The following AFG1L variants were observed in gnomAD, a reference collection of about 807,000 sequenced individuals.
AFG1L encodes AFG1 like ATPase, also known as AFG1-like ATPase.
A neutral mutation model predicts 62.2 loss-of-function variants in AFG1L; 53 were observed. The observed-to-expected ratio is 0.85, with a 90% CI of 0.68 to 1.07. The LOEUF is 1.07. Ranked by LOEUF, AFG1L falls within the 50% of genes least tolerant of loss-of-function variation. AFG1L has a pLI of 0.00. For missense variants in AFG1L, 555 were observed against 590.5 expected (o/e 0.94, Z 0.62); for synonymous variants, 228 against 210.3 (o/e 1.08, Z -0.73).
chr6:108,473,879 A>G (rs1773004359), intron 8 of AFG1L, among the ~76,000 whole-genome samples: 1 of 152,130 alleles, frequency 6.6e-6, no homozygotes. Context: ...TTAAAAATAT[A>G]TATTTTATTT....
chr6:108,324,110 T>C, intron 2 of AFG1L, 62 bp downstream of exon 2: 3 of 1,180,344 alleles, frequency 2.5e-6, no homozygotes, highest in South Asian at 1.4e-5. Context: ...CTAAAATGGA[T>C]GCAATGCAGT....
intron 7 of AFG1L, among the ~76,000 whole-genome samples, chr6:108,422,500 G>C (rs779694072): frequency 4.6e-5 from 3 of 65,702 alleles, no homozygotes; most frequent in African/African-American, 6.5e-5. Flanking sequence ...AAAAAAAAAA[G>C]AAGAAGAAAT....
At chr6:108,322,556 G>A (rs1777857748) in intron 1 of AFG1L, among the ~76,000 whole-genome samples, 3 of 152,198 alleles carry the variant, frequency 2.0e-5, no homozygotes, top group South Asian at 2.1e-4. Context: ...CATGCATCCA[G>A]CTAAAACTTC....
At chr6:108,349,754 A>G (rs1235681800) in intron 3 of AFG1L, among the ~76,000 whole-genome samples, 1 of 151,858 alleles carries the variant, frequency 6.6e-6, no homozygotes, top group African/African-American at 2.4e-5. Context: ...CATCTCTACA[A>G]AAAAATTAAA....
chr6:108,519,250 A>G (rs1775028177), intron 11 of AFG1L, among the ~76,000 whole-genome samples: 2 of 152,236 alleles, frequency 1.3e-5, no homozygotes, highest in South Asian at 2.1e-4. Flanking sequence ...AATCCCATGC[A>G]TGAAGGCAGA....
At chr6:108,317,054 A>T (rs1292476780) in intron 1 of AFG1L, among the ~76,000 whole-genome samples, 1 of 152,210 alleles carries the variant, frequency 6.6e-6, no homozygotes. Context: ...TTGTTAAGAA[A>T]AAAAAGCCCT....
intron 7 of AFG1L, among the ~76,000 whole-genome samples, chr6:108,403,668 T>C (rs1411005975): frequency 2.6e-5 from 4 of 151,944 alleles, no homozygotes; most frequent in African/African-American, 7.2e-5. Context: ...AAGAGGAAGC[T>C]AGGAAAAATA....
At chr6:108,518,378 T>C (rs1774984541) in intron 11 of AFG1L, among the ~76,000 whole-genome samples, 1 of 151,972 alleles carries the variant, frequency 6.6e-6, no homozygotes, top group African/African-American at 2.4e-5. Context: ...GAAACCATCA[T>C]TCTCAGCAAA....
chr6:108,480,571 G>T (rs1354335739), intron 10 of AFG1L, among the ~76,000 whole-genome samples: 1 of 152,148 alleles, frequency 6.6e-6, no homozygotes, highest in Non-Finnish European at 1.5e-5. Flanking sequence ...GCCGAGGCAG[G>T]CGGATCACAT....
chr6:108,360,456 A>G (rs1327851652), intron 5 of AFG1L, among the ~76,000 whole-genome samples: 2 of 152,126 alleles, frequency 1.3e-5, no homozygotes, highest in African/African-American at 2.4e-5. Context: ...GTTCCCAATT[A>G]TTGCATAATA....
intron 1 of AFG1L, among the ~76,000 whole-genome samples, chr6:108,317,415 G>T (rs1777647596): frequency 1.3e-5 from 2 of 152,160 alleles, no homozygotes; most frequent in Admixed American, 6.5e-5. Flanking sequence ...CATGCACTGA[G>T]TCCAACTGTG....
chr6:108,313,405 A>G (rs950097928), intron 1 of AFG1L, among the ~76,000 whole-genome samples: 3 of 152,222 alleles, frequency 2.0e-5, no homozygotes, highest in Admixed American at 2.0e-4. Context: ...CATTCCTTAG[A>G]AAAGTAACCT....
intron 6 of AFG1L, among the ~76,000 whole-genome samples, chr6:108,388,682 C>T (rs1485443110): frequency 8.1e-4 from 120 of 147,678 alleles, no homozygotes; most frequent in Non-Finnish European, 9.5e-4. Context: ...TGTAGTTGAG[C>T]GGTTTTGAGT....
At chr6:108,347,999 A>C (rs938555941) in intron 3 of AFG1L, among the ~76,000 whole-genome samples, 1 of 152,148 alleles carries the variant, frequency 6.6e-6, no homozygotes. Context: ...GAGTGATGGC[A>C]GGGGATATTA....
At chr6:108,381,105 A>C (rs1302686445) in intron 6 of AFG1L, among the ~76,000 whole-genome samples, 1 of 152,240 alleles carries the variant, frequency 6.6e-6, no homozygotes, top group Non-Finnish European at 1.5e-5. Flanking sequence ...AAAGCCAACC[A>C]AAAACACTCA....
At chr6:108,441,217 G>A (rs1771531946) in intron 7 of AFG1L, among the ~76,000 whole-genome samples, 1 of 152,134 alleles carries the variant, frequency 6.6e-6, no homozygotes, top group Non-Finnish European at 1.5e-5. Flanking sequence ...TGAGATGGCT[G>A]TTTTTCTAAT....
intron 1 of AFG1L, among the ~76,000 whole-genome samples, chr6:108,296,080 C>T (rs1209635981): frequency 1.8e-4 from 27 of 152,146 alleles, no homozygotes; most frequent in Admixed American, 1.8e-3. Context: ...AAGGTATATA[C>T]CTTAATAGAT....
chr6:108,355,028 C>G (rs1198571597), intron 3 of AFG1L, among the ~76,000 whole-genome samples: 1 of 151,822 alleles, frequency 6.6e-6, no homozygotes. Flanking sequence ...TGACAATTCT[C>G]TAGCTCTAAT....
At chr6:108,379,317 G>A (rs1780395769) in intron 6 of AFG1L, among the ~76,000 whole-genome samples, 1 of 152,070 alleles carries the variant, frequency 6.6e-6, no homozygotes, top group African/African-American at 2.4e-5. Flanking sequence ...GCTGCCCTAT[G>A]TACTTCTTTC....
Sources: allele counts gnomAD v4.1 joint callset (sites outside exome capture counted in the v4.1 genomes callset), GRCh38; gene constraint gnomAD v4.1.1; transcripts MANE v1.5; gene names NCBI Gene and HGNC (gene_info 2026-07-23, HGNC 2026-07-21).